CHCHD6: variants seen among roughly 807,000 people sequenced by gnomAD.
CHCHD6 encodes MICOS complex subunit MIC25.
CHCHD6 carries 28 observed loss-of-function variants against 32.3 expected under a neutral mutation model. That is an observed-to-expected ratio of 0.87 (90% CI 0.64 to 1.19). The LOEUF is 1.19. Ranked by LOEUF, CHCHD6 falls within the 50% of genes most tolerant of loss-of-function variation. The pLI, the probability that CHCHD6 is intolerant of heterozygous loss-of-function variation, is 0.00. For synonymous variants in CHCHD6, 122 were observed against 117.5 expected, an observed-to-expected ratio of 1.04 and a Z score of -0.25; for missense variants, 333 against 307.0, an observed-to-expected ratio of 1.08 and a Z score of -0.63.
At chr3:126,739,187 C>T (rs1402391580) in intron 4 of CHCHD6, among the ~76,000 whole-genome samples, 1 of 152,186 alleles carries the variant, frequency 6.6e-6, no homozygotes, top group East Asian at 1.9e-4. Flanking sequence ...CATCCATAGC[C>T]CCTTTCTTTA....
intron 4 of CHCHD6, among the ~76,000 whole-genome samples, chr3:126,744,556 T>C (rs1936414088): frequency 1.3e-5 from 2 of 152,212 alleles, no homozygotes; most frequent in Admixed American, 6.5e-5. Flanking sequence ...GAGCTTTCGC[T>C]GTGAGTAATG....
At chr3:126,807,093 A>C (rs1172437368) in intron 4 of CHCHD6, among the ~76,000 whole-genome samples, 1 of 151,020 alleles carries the variant, frequency 6.6e-6, no homozygotes, top group Non-Finnish European at 1.5e-5. Flanking sequence ...GATATACCTA[A>C]TGCTAAATGA....
chr3:126,852,972 T>A (rs1941528587), intron 5 of CHCHD6, among the ~76,000 whole-genome samples: 1 of 152,206 alleles, frequency 6.6e-6, no homozygotes. Flanking sequence ...CACCTTTTTT[T>A]GTTGAATGTG....
intron 4 of CHCHD6, among the ~76,000 whole-genome samples, chr3:126,815,646 C>A (rs879770168): frequency 8.7e-6 from 1 of 115,122 alleles, no homozygotes; most frequent in Non-Finnish European, 2.0e-5. Flanking sequence ...GGTTCTTGCC[C>A]CCCCCCCCCC....
At chr3:126,951,405 G>A (rs1319631119) in intron 6 of CHCHD6, among the ~76,000 whole-genome samples, 1 of 152,238 alleles carries the variant, frequency 6.6e-6, no homozygotes, top group African/African-American at 2.4e-5. Flanking sequence ...CTTCATGGAA[G>A]CTTTCCATGG....
chr3:126,753,264 G>A (rs1194275957), intron 4 of CHCHD6, among the ~76,000 whole-genome samples: 5 of 152,184 alleles, frequency 3.3e-5, no homozygotes, highest in South Asian at 2.1e-4. Context: ...GCAAGCAGCC[G>A]TTGCATGAAG....
chr3:126,901,937 G>A (rs1396443471), intron 5 of CHCHD6, among the ~76,000 whole-genome samples: 2 of 152,212 alleles, frequency 1.3e-5, no homozygotes, highest in Non-Finnish European at 2.9e-5. Context: ...ATTCCTTTGA[G>A]GGAGGGACAG....
rs538593820 is a variant in CHCHD6, at chr3:126,881,543, T to C, written c.495+28813T>C. Among the ~76,000 whole-genome samples, 21 of 152,326 alleles carry C rather than the reference T, an allele frequency of 1.4e-4. No individual in the cohort carries two copies. In the East Asian group the frequency reaches 3.9e-3, roughly 28 times the overall value. ...TTTGTGAGAAAAGGTGTAAGAGAGC[T>C]GACCCTCATTGCCCATCATGAGAAA... On this transcript the variant is annotated intron_variant, in intron 5 of 7. Coordinates refer to ENST00000290913, the MANE Select transcript of CHCHD6 (RefSeq NM_032343.3).
intron 1 of CHCHD6, among the ~76,000 whole-genome samples, chr3:126,717,265 TAGTA>T (rs1935064873): frequency 6.6e-6 from 1 of 152,178 alleles, no homozygotes; most frequent in Admixed American, 6.5e-5. Flanking sequence ...TAGGTAGCGT[TAGTA>T]AGGTGGCACA....
intron 6 of CHCHD6, among the ~76,000 whole-genome samples, chr3:126,940,899 T>C (rs2078550157): frequency 6.6e-6 from 1 of 152,212 alleles, no homozygotes; most frequent in African/African-American, 2.4e-5. Context: ...TTTTTCTCCT[T>C]ATTATTCATT....
rs145489028 is a variant in CHCHD6 at position 126,754,552 on chromosome 3, G to A, written c.411+21330G>A. ...GCTATTGGCAGAGGAGCAAGCTGGG[G>A]TAAGGAGGCGAGCATGTCCAGGAAC... On this transcript the variant is annotated intron_variant, in intron 4 of 7. Transcript: ENST00000290913. Among the ~76,000 whole-genome samples, 739 of 152,322 alleles carry A rather than the reference G, an allele frequency of 4.9e-3. 4 individuals are homozygous for A. Among genetic ancestry groups the A allele is most frequent in the African/African-American group, 0.017 (705 of 41,562 alleles).
intron 4 of CHCHD6, among the ~76,000 whole-genome samples, chr3:126,816,049 T>C (rs1939882537): frequency 6.6e-6 from 1 of 152,154 alleles, no homozygotes; most frequent in South Asian, 2.1e-4. Flanking sequence ...TCTGTTCTGA[T>C]TGGCTCTTCT....
chr3:126,806,651 G>A (rs1419205111), intron 4 of CHCHD6, among the ~76,000 whole-genome samples: 1 of 152,054 alleles, frequency 6.6e-6, no homozygotes, highest in Non-Finnish European at 1.5e-5. Flanking sequence ...GATTCCTCAG[G>A]GATCTAGAAC....
chr3:126,945,828 T>C (rs533286904), intron 6 of CHCHD6, among the ~76,000 whole-genome samples: 2 of 147,794 alleles, frequency 1.4e-5, no homozygotes, highest in South Asian at 2.2e-4. Flanking sequence ...AGGGGTAAAC[T>C]TGGGGAGACT....
chr3:126,934,873 A>G (rs2078456596), intron 6 of CHCHD6, among the ~76,000 whole-genome samples: 1 of 152,016 alleles, frequency 6.6e-6, no homozygotes, highest in East Asian at 1.9e-4. Context: ...TTTACCTTTT[A>G]TGTCATCTCC....
chr3:126,734,857 A>G (rs1196982358), intron 4 of CHCHD6, among the ~76,000 whole-genome samples: 2 of 152,124 alleles, frequency 1.3e-5, no homozygotes, highest in African/African-American at 4.8e-5. Context: ...AAGGCCTTGG[A>G]TGTGCTGAGG....
intron 4 of CHCHD6, among the ~76,000 whole-genome samples, chr3:126,761,855 A>G (rs992790841): frequency 6.6e-6 from 1 of 152,078 alleles, no homozygotes; most frequent in Non-Finnish European, 1.5e-5. Flanking sequence ...GAAATGTTCT[A>G]TTTATTCTTG....
At chr3:126,955,026 C>G (rs1296445774) in intron 6 of CHCHD6, among the ~76,000 whole-genome samples, 3 of 152,194 alleles carry the variant, frequency 2.0e-5, no homozygotes, top group Admixed American at 6.5e-5. Context: ...TGAAAGTGCT[C>G]CTAAAACAGG....
chr3:126,883,296 C>T (rs1021413003), intron 5 of CHCHD6, among the ~76,000 whole-genome samples: 1 of 152,150 alleles, frequency 6.6e-6, no homozygotes, highest in African/African-American at 2.4e-5. Flanking sequence ...CAACTCGAAG[C>T]CGATTGGTCA....
Sources: allele counts gnomAD v4.1 joint callset (sites outside exome capture counted in the v4.1 genomes callset), GRCh38; gene constraint gnomAD v4.1.1; transcripts MANE v1.5; gene names NCBI Gene and HGNC (gene_info 2026-07-23, HGNC 2026-07-21).